NFAT5: variants seen among roughly 807,000 people sequenced by gnomAD.
NFAT5 encodes the protein nuclear factor of activated T cells 5.
NFAT5 carries 31 observed loss-of-function variants against 166.5 expected under a neutral mutation model. The observed-to-expected ratio is 0.19, with a 90% CI of 0.14 to 0.25. The LOEUF is 0.25. NFAT5 is among the 10% of genes least tolerant of loss of function. The pLI, the probability that NFAT5 is intolerant of heterozygous loss-of-function variation, is 1.00. For synonymous variants in NFAT5, 612 were observed against 639.7 expected (o/e 0.96, Z 0.65); for missense variants, 1,449 against 1,821.8 (o/e 0.80, Z 3.72).
intron 2 of NFAT5, among the ~76,000 whole-genome samples, chr16:69,588,259 G>A (rs1426701690): frequency 6.6e-6 from 1 of 152,156 alleles, no homozygotes; most frequent in Non-Finnish European, 1.5e-5. Context: ...CGCATGATTA[G>A]TGCTTTCACC....
intron 2 of NFAT5, among the ~76,000 whole-genome samples, chr16:69,588,233 AG>A (rs2032223599): frequency 1.3e-5 from 2 of 152,108 alleles, no homozygotes; most frequent in African/African-American, 4.8e-5. Context: ...TACAGGCCTG[AG>A]CCTCTGCACC....
At chr16:69,674,241 C>CA (rs59975972) in intron 9 of NFAT5, among the ~76,000 whole-genome samples, 2,879 of 71,024 alleles carry the variant, frequency 0.041, 72 homozygotes, top group African/African-American at 0.087. Flanking sequence ...GAAACTGTCT[C>CA]AAAAAAAAAA....
chr16:69,685,130 C>T (rs1232149826), intron 11 of NFAT5, 160 bp downstream of exon 11: 2 of 292,304 alleles, frequency 6.8e-6, no homozygotes, highest in African/African-American at 2.3e-5. Flanking sequence ...AATGTAGAGA[C>T]TTGTTTTCCA....
intron 2 of NFAT5, among the ~76,000 whole-genome samples, chr16:69,574,293 A>G (rs1052784654): frequency 9.8e-5 from 15 of 152,360 alleles, no homozygotes; most frequent in African/African-American, 3.1e-4. Context: ...TTTTAACTTT[A>G]GAGAGGTAAA....
intron 6 of NFAT5, among the ~76,000 whole-genome samples, chr16:69,657,037 T>C (rs2035910141): frequency 6.6e-6 from 1 of 152,194 alleles, no homozygotes; most frequent in African/African-American, 2.4e-5. Flanking sequence ...GGATAGTTGC[T>C]AAAGACTTTA....
chr16:69,638,301 T>C (rs2035055081), intron 3 of NFAT5, among the ~76,000 whole-genome samples: 2 of 152,184 alleles, frequency 1.3e-5, no homozygotes, highest in African/African-American at 4.8e-5. Flanking sequence ...GTTTTTTGTC[T>C]AGGCAGTTTA....
At chr16:69,638,427 C>T (rs562689571) in intron 3 of NFAT5, among the ~76,000 whole-genome samples, 1 of 150,996 alleles carries the variant, frequency 6.6e-6, no homozygotes, top group East Asian at 2.0e-4. Context: ...ATTGTTTAAT[C>T]ATATCTTAAA....
rs559668167 is a variant in NFAT5, at chr16:69,700,837, G to A, written c.*4486G>A. On this transcript the variant is annotated 3_prime_UTR_variant, in exon 15 of 15. Transcript: ENST00000349945. Reference sequence around the variant, plus strand: ...AAGAGGTTTTCTTCTCTGCTTGTTTGTGTCACTAGAGCAAAATTGTAGAGA... The same window carrying A: ...AAGAGGTTTTCTTCTCTGCTTGTTTATGTCACTAGAGCAAAATTGTAGAGA... 1 of 152,104 alleles carries A rather than the reference G, an allele frequency of 6.6e-6. No homozygotes were observed. The highest frequency in any genetic ancestry group is 2.4e-5 in the African/African-American group (1 of 41,402). The allele number at this position is 152,104 out of a possible 1,614,324, so 9.4% of individuals were successfully genotyped here.
intron 2 of NFAT5, among the ~76,000 whole-genome samples, chr16:69,608,372 C>T (rs1353238521): frequency 6.6e-6 from 1 of 152,104 alleles, no homozygotes; most frequent in African/African-American, 2.4e-5. Flanking sequence ...CTGAGTGTGT[C>T]TCTCCTTTCC....
At chr16:69,616,051 T>A (rs1031399564) in intron 2 of NFAT5, among the ~76,000 whole-genome samples, 2 of 152,052 alleles carry the variant, frequency 1.3e-5, no homozygotes, top group African/African-American at 4.8e-5. Flanking sequence ...TTGCTTCTGC[T>A]CCCTCAACCC....
chr16:69,582,795 C>T (rs1358381908), intron 2 of NFAT5, among the ~76,000 whole-genome samples: 4 of 151,142 alleles, frequency 2.6e-5, no homozygotes, highest in African/African-American at 9.7e-5. Context: ...AATTAGGAAG[C>T]GTGAGCCTTC....
intron 10 of NFAT5, among the ~76,000 whole-genome samples, chr16:69,679,224 C>T (rs539796312): frequency 6.6e-6 from 1 of 152,272 alleles, no homozygotes; most frequent in Non-Finnish European, 1.5e-5. Flanking sequence ...AGCCACCACT[C>T]CCAGCCTCAT....
chr16:69,584,977 CAA>C (rs936205700), intron 2 of NFAT5, among the ~76,000 whole-genome samples: 3 of 151,886 alleles, frequency 2.0e-5, no homozygotes, highest in African/African-American at 7.3e-5. Flanking sequence ...CAAGTGCTGT[CAA>C]AACAGAGTAG....
At position 69,647,862 on chromosome 16, in the gene NFAT5, A is replaced by T. The variant is rs2035505829; in HGVS notation, c.812+276A>T. On this transcript the variant is annotated intron_variant, in intron 4 of 14. Transcript: ENST00000349945. This position sits in a 1 kb window ranked among gnomAD's most constrained non-coding sequence, Gnocchi z 4.8. ...TCTGTTCTGAAATAAATTTCAAATG[A>T]ATTTATATTTTAAAAGGACTTTTAC... Among the ~76,000 whole-genome samples the T allele has an allele frequency of 6.6e-6, 1 of 152,108 alleles. No homozygotes were observed. The highest frequency in any genetic ancestry group is 1.9e-4 in the East Asian group (1 of 5,194).
At chr16:69,656,414 G>C (rs1404098678) in intron 6 of NFAT5, among the ~76,000 whole-genome samples, 3 of 151,030 alleles carry the variant, frequency 2.0e-5, no homozygotes, top group African/African-American at 7.3e-5. Flanking sequence ...AATTTGATTT[G>C]CTTTCCTGAA....
rs1256856615 is a variant in NFAT5, at chr16:69,699,828, C to G, written c.*3477C>G. 6.6e-6 allele frequency: 1 copy of G among 151,316 alleles called. No individual in the cohort carries two copies. The highest frequency in any genetic ancestry group is 1.5e-5 in the Non-Finnish European group (1 of 67,904). 9.4% of individuals were successfully genotyped at this position (151,316 alleles called of 1,614,324 possible). A position where few individuals can be genotyped will look rare whatever the true frequency, so the allele number is the denominator to read the frequency against. On this transcript the variant is annotated 3_prime_UTR_variant, in exon 15 of 15. Transcript: ENST00000349945. Reference sequence around the variant, plus strand: ...AGCTTATCTCTTTCTCTCTCTCTCTCTCTCTCTCTGTGTGTGTGTGTGTAT... The same window carrying G: ...AGCTTATCTCTTTCTCTCTCTCTCTGTCTCTCTCTGTGTGTGTGTGTGTAT...
chr16:69,690,846 A>G, intron 11 of NFAT5, 94 bp from the exon 12 acceptor site: 2 of 1,024,606 alleles, frequency 2.0e-6, no homozygotes, highest in Non-Finnish European at 1.4e-6. Flanking sequence ...AAAAAAATAG[A>G]CATTTAAATC....
At chr16:69,625,110 C>T (rs1226092854) in intron 2 of NFAT5, among the ~76,000 whole-genome samples, 1 of 151,902 alleles carries the variant, frequency 6.6e-6, no homozygotes, top group African/African-American at 2.4e-5. Context: ...CTATGTTGGC[C>T]AGGCTGGTCT....
intron 11 of NFAT5, 179 bp downstream of exon 11, chr16:69,685,149 T>C (rs1242612363): frequency 4.1e-6 from 1 of 245,866 alleles, no homozygotes; most frequent in East Asian, 7.3e-5. Context: ...CAATTTGATA[T>C]TTTTCTTGCT....
Sources: gnomAD v4.1 joint callset for allele counts (sites outside exome capture counted in the v4.1 genomes callset) on GRCh38, gnomAD v4.1.1 for gene constraint, Gnocchi (gnomAD v3.1) non-coding constraint, MANE v1.5 for transcripts, NCBI Gene and HGNC (gene_info 2026-07-23, HGNC 2026-07-21) for gene names.